The following TGM4 variants were observed in gnomAD, a reference collection of about 807,000 sequenced individuals.
TGM4 encodes protein-glutamine gamma-glutamyltransferase 4.
In TGM4, 61 loss-of-function variants were observed where a neutral mutation model predicts 76.3. The observed-to-expected ratio is 0.80, with a 90% CI of 0.65 to 0.99. TGM4 has a LOEUF of 0.99. TGM4 is among the 50% of genes least tolerant of loss of function. The pLI, the probability that TGM4 is intolerant of heterozygous loss-of-function variation, is 0.00. For synonymous variants in TGM4, 337 were observed against 329.8 expected, an observed-to-expected ratio of 1.02 and a Z score of -0.24; for missense variants, 794 against 843.2, an observed-to-expected ratio of 0.94 and a Z score of 0.72.
At chr3:44,913,383 C>T (rs565103165) in intron 13 of TGM4, among the ~76,000 whole-genome samples, 3 of 152,320 alleles carry the variant, frequency 2.0e-5, no homozygotes, top group South Asian at 4.1e-4. Context: ...CCAGCTGGTT[C>T]ACCCGTCTTG....
chr3:44,890,809 G>A, intron 4 of TGM4, 77 bp downstream of exon 4: 1 of 1,552,516 alleles, frequency 6.4e-7, no homozygotes, highest in Admixed American at 1.8e-5. Flanking sequence ...CATAGTCTAT[G>A]AGCTTTTGTT....
intron 4 of TGM4, among the ~76,000 whole-genome samples, chr3:44,891,614 A>G (rs1699699111): frequency 6.6e-6 from 1 of 152,038 alleles, no homozygotes; most frequent in South Asian, 2.1e-4. Flanking sequence ...AAACCCTTCA[A>G]TGTGTATTCC....
chr3:44,900,230 C>T (rs559549709), intron 6 of TGM4, among the ~76,000 whole-genome samples: 9 of 152,320 alleles, frequency 5.9e-5, no homozygotes, highest in African/African-American at 1.7e-4. Flanking sequence ...CGCTTAATTT[C>T]GCAGGAGGAC....
intron 1 of TGM4, 96 bp downstream of exon 1, chr3:44,874,793 C>G (rs1460975704): frequency 6.8e-7 from 1 of 1,462,902 alleles, no homozygotes. Flanking sequence ...GGGGCCATTG[C>G]CCTCTCACCC....
chr3:44,910,839 G>T, intron 11 of TGM4, 119 bp from the exon 12 acceptor site: 1 of 1,175,096 alleles, frequency 8.5e-7, no homozygotes, highest in South Asian at 1.5e-5. Context: ...TATGGGACAT[G>T]TCCAAAGTTA....
intron 10 of TGM4, among the ~76,000 whole-genome samples, chr3:44,908,392 TTTTTTTGTTTTTTG>T (rs1407467716): frequency 2.0e-5 from 3 of 151,666 alleles, no homozygotes; most frequent in East Asian, 1.9e-4. Flanking sequence ...TTGTTTTTGT[TTTTTTTGTTTTTTG>T]TTTTTTGTTT....
At chr3:44,887,504 A>G (rs1164018047) in intron 2 of TGM4, among the ~76,000 whole-genome samples, 185 bp from the exon 3 acceptor site, 2 of 152,136 alleles carry the variant, frequency 1.3e-5, no homozygotes, top group African/African-American at 2.4e-5. Context: ...ACAGAAAACT[A>G]AAACTGGACA....
At chr3:44,884,490 G>GT (rs1223380385) in intron 1 of TGM4, among the ~76,000 whole-genome samples, 8 of 151,940 alleles carry the variant, frequency 5.3e-5, no homozygotes, top group East Asian at 1.9e-4. Context: ...AAAATCCCCT[G>GT]TTTTTTTTGG....
intron 13 of TGM4, among the ~76,000 whole-genome samples, chr3:44,913,094 T>C (rs902825531): frequency 6.6e-6 from 1 of 152,216 alleles, no homozygotes; most frequent in Non-Finnish European, 1.5e-5. Flanking sequence ...GGAGTATTGT[T>C]ACAGTGTAGA....
intron 2 of TGM4, among the ~76,000 whole-genome samples, chr3:44,886,683 G>A (rs1447240120): frequency 6.6e-6 from 1 of 152,194 alleles, no homozygotes; most frequent in Admixed American, 6.5e-5. Flanking sequence ...CACTCTCCAT[G>A]TATGACATAG....
At chr3:44,911,248 T>C in intron 12 of TGM4, 22 bp from the exon 13 acceptor site, 1 of 1,613,748 alleles carries the variant, frequency 6.2e-7, no homozygotes, top group Non-Finnish European at 8.5e-7. Flanking sequence ...TCTCCCCATC[T>C]CTCCTCCCCA....
rs574491894 is a variant in TGM4 at position 44,878,491 on chromosome 3, A to G, written c.19+3794A>G. On this transcript the variant is annotated intron_variant, in intron 1 of 13. Coordinates refer to ENST00000296125, the MANE Select transcript of TGM4 (RefSeq NM_003241.4). Reference sequence around the variant, plus strand: ...TATTATTATTATTATTATTATTATTATTATTATTTGAGATGAGGTCTCACT... The same window carrying G: ...TATTATTATTATTATTATTATTATTGTTATTATTTGAGATGAGGTCTCACT... 2.3e-4 allele frequency among the ~76,000 whole-genome samples: 26 copies of G among 111,288 alleles called. No individual in the cohort carries two copies. In the South Asian group the frequency reaches 7.7e-3, roughly 33 times the overall value. 73.0% of individuals were successfully genotyped at this position (111,288 alleles called of 152,430 possible).
At chr3:44,904,042 C>T in intron 9 of TGM4, 55 bp downstream of exon 9, 1 of 1,511,614 alleles carries the variant, frequency 6.6e-7, no homozygotes, top group South Asian at 1.1e-5. Context: ...TTACATGGCC[C>T]AGGGTTCTGT....
In TGM4 at chr3:44,897,058, C is replaced by T. The variant is rs530608458; in HGVS notation, c.657+242C>T. Among the ~76,000 whole-genome samples, 190 of 141,818 alleles carry T rather than the reference C, an allele frequency of 1.3e-3. 2 individuals carry two copies. Among genetic ancestry groups the T allele is most frequent in the African/African-American group, 4.4e-3 (167 of 37,622 alleles). 93.0% of individuals were successfully genotyped at this position (141,818 alleles called of 152,430 possible). Reference sequence around the variant, plus strand: ...TCATTCTGTCACCCTGGCTGGAGTGCAGTGGCACGATCTTGGCTCACTGCA... The same window carrying T: ...TCATTCTGTCACCCTGGCTGGAGTGTAGTGGCACGATCTTGGCTCACTGCA... On this transcript the variant is annotated intron_variant, in intron 6 of 13. Transcript: ENST00000296125.
chr3:44,875,142 A>G (rs1386973306), intron 1 of TGM4, among the ~76,000 whole-genome samples: 1 of 152,250 alleles, frequency 6.6e-6, no homozygotes, highest in African/African-American at 2.4e-5. Context: ...TATGAAGACC[A>G]GGACATGAAC....
At chr3:44,907,312 A>G in intron 10 of TGM4, 112 bp downstream of exon 10, 1 of 112,290 alleles carries the variant, frequency 8.9e-6, no homozygotes, top group South Asian at 5.0e-4. Context: ...ATCCCTACCA[A>G]AAAAAAAAAA....
rs1699859623 is a variant in TGM4, at chr3:44,901,869, G to A, written c.909G>A (p.Thr303=). 3.1e-6 allele frequency: 5 copies of A among 1,614,110 alleles called. No homozygotes were observed. Among genetic ancestry groups the A allele is most frequent in the Admixed American group, 3.3e-5 (2 of 60,006 alleles). The change falls in exon 8 of 14, where the codon ACG becomes ACA. Residue 303 remains threonine, a synonymous_variant. Coordinates refer to ENST00000296125, the MANE Select transcript of TGM4 (RefSeq NM_003241.4). ...DSAHDTERNL[T]VDTYVNENGE... ...CTCACGACACAGAAAGGAACCTCACGGTGGACACCTATGTGAATGAGAATG... is the reference window on the plus strand; with the variant it reads ...CTCACGACACAGAAAGGAACCTCACAGTGGACACCTATGTGAATGAGAATG...
rs530784578 is a variant in TGM4, at chr3:44,877,042, T to C, written c.19+2345T>C. 2.6e-4 allele frequency among the ~76,000 whole-genome samples: 40 copies of C among 152,304 alleles called. 1 individual carries two copies. Among genetic ancestry groups the C allele is most frequent in the African/African-American group, 9.4e-4 (39 of 41,568 alleles). Reference sequence around the variant, plus strand: ...ACAGCAGGCCAGGTATGGTGGTTCATGCCTATAATCCCCAAAATTTGGGAG... The same window carrying C: ...ACAGCAGGCCAGGTATGGTGGTTCACGCCTATAATCCCCAAAATTTGGGAG... On this transcript the variant is annotated intron_variant, in intron 1 of 13. Transcript: ENST00000296125.
rs750079879 is a variant in TGM4, at chr3:44,901,592, C to A, written c.726C>A (p.Ala242=). The A allele has an allele frequency of 3.7e-6, 6 of 1,613,966 alleles. No homozygotes were observed. Among genetic ancestry groups the A allele is most frequent in the Non-Finnish European group, 5.1e-6 (6 of 1,179,988 alleles). The change falls in exon 7 of 14, where the codon GCC becomes GCA. Residue 242 remains alanine, a synonymous_variant. Coordinates refer to ENST00000296125, the MANE Select transcript of TGM4 (RefSeq NM_003241.4). ...NWTGDYEGGT[A]PYKWTGSAPI... is the part of the protein sequence containing the mutation. ...CTGGGGACTACGAAGGTGGCACAGC[C>A]CCATACAAGTGGACAGGCAGTGCCC...
Sources: gnomAD v4.1 joint callset for allele counts (sites outside exome capture counted in the v4.1 genomes callset) on GRCh38, gnomAD v4.1.1 for gene constraint, MANE v1.5 for transcripts, NCBI Gene and HGNC (gene_info 2026-07-23, HGNC 2026-07-21) for gene names.